The following TMEM144 variants were observed in gnomAD, a reference collection of about 807,000 sequenced individuals.
The protein encoded by TMEM144 is transmembrane protein 144.
TMEM144 carries 39 observed loss-of-function variants against 43.6 expected under a neutral mutation model. The observed-to-expected ratio is 0.90, with a 90% CI of 0.69 to 1.17. The LOEUF (loss-of-function observed/expected upper bound fraction) is 1.17. TMEM144 is among the 50% of genes most tolerant of loss of function. The pLI is 0.00. For missense variants in TMEM144, 417 were observed against 411.9 expected, an observed-to-expected ratio of 1.01 and a Z score of -0.11; for synonymous variants, 154 against 133.6, an observed-to-expected ratio of 1.15 and a Z score of -1.06.
chr4:158,218,917 A>G (rs1041940237), intron 5 of TMEM144, among the ~76,000 whole-genome samples: 2 of 152,126 alleles, frequency 1.3e-5, no homozygotes, highest in Non-Finnish European at 2.9e-5. Flanking sequence ...GCTTGATTTC[A>G]GGAATTCAAG....
intron 6 of TMEM144, among the ~76,000 whole-genome samples, chr4:158,223,440 T>C (rs1734602611): frequency 6.6e-6 from 1 of 152,194 alleles, no homozygotes; most frequent in African/African-American, 2.4e-5. Flanking sequence ...TATTTATTCA[T>C]TTATTTTTTT....
chr4:158,236,157 A>G (rs191122464), intron 8 of TMEM144, among the ~76,000 whole-genome samples: 91 of 152,274 alleles, frequency 6.0e-4, no homozygotes, highest in Non-Finnish European at 1.0e-3. Context: ...TCATGTGGTG[A>G]CACCTTTTGA....
chr4:158,243,835 G>C (rs939966466), intron 11 of TMEM144, among the ~76,000 whole-genome samples: 1 of 152,010 alleles, frequency 6.6e-6, no homozygotes, highest in Admixed American at 6.6e-5. Context: ...TTTAAAGCAC[G>C]AGCTACTTCC....
intron 12 of TMEM144, 67 bp from the exon 13 acceptor site, chr4:158,253,377 G>C (rs1736308895): frequency 7.4e-7 from 1 of 1,356,134 alleles, no homozygotes; most frequent in Admixed American, 1.8e-5. Context: ...GCAATCTTGA[G>C]AGTCTGTCCA....
chr4:158,223,280 C>T (rs565260422), intron 6 of TMEM144, among the ~76,000 whole-genome samples: 3 of 152,240 alleles, frequency 2.0e-5, no homozygotes, highest in Non-Finnish European at 4.4e-5. Context: ...TGTATGCATT[C>T]TCATTTGATT....
At chr4:158,240,960 G>A (rs564225272) in intron 10 of TMEM144, among the ~76,000 whole-genome samples, 39 of 152,276 alleles carry the variant, frequency 2.6e-4, no homozygotes, top group African/African-American at 8.4e-4. Flanking sequence ...AGGTCCACAA[G>A]TAAAATTTTT....
intron 7 of TMEM144, chr4:158,235,170 T>G (rs1735278330): frequency 3.0e-6 from 1 of 329,006 alleles, no homozygotes; most frequent in Admixed American, 4.3e-5. Context: ...ATAATAAGTT[T>G]TATTAGTTTT....
At chr4:158,248,601 C>A (rs1736012415) in intron 12 of TMEM144, among the ~76,000 whole-genome samples, 1 of 152,122 alleles carries the variant, frequency 6.6e-6, no homozygotes, top group Non-Finnish European at 1.5e-5. Flanking sequence ...GCATCATCAA[C>A]TGAACACTAA....
At position 158,238,396 on chromosome 4, in the gene TMEM144, CA is replaced by C. The variant is rs137904668; in HGVS notation, c.682+754del. Among the ~76,000 whole-genome samples the C allele has an allele frequency of 4.5e-4, 68 of 152,210 alleles. No individual in the cohort carries two copies. The East Asian group carries it at 0.013, about 29-fold the overall frequency. On this transcript the variant is annotated intron_variant, in intron 9 of 12. Coordinates refer to ENST00000296529, the MANE Select transcript of TMEM144 (RefSeq NM_018342.5). ...AGTTGAGATTTGAACTCAACTTTAACAGAATGGATAGACTGAGTAGATGCCA... is the reference window on the plus strand; with the variant it reads ...AGTTGAGATTTGAACTCAACTTTAACGAATGGATAGACTGAGTAGATGCCA...
intron 12 of TMEM144, among the ~76,000 whole-genome samples, chr4:158,252,654 A>G (rs1736264101): frequency 6.6e-6 from 1 of 152,012 alleles, no homozygotes; most frequent in African/African-American, 2.4e-5. Flanking sequence ...CTAAAAATAC[A>G]AAAATTCACT....
intron 5 of TMEM144, among the ~76,000 whole-genome samples, chr4:158,218,204 C>G (rs1226539209): frequency 6.6e-6 from 1 of 152,158 alleles, no homozygotes; most frequent in African/African-American, 2.4e-5. Context: ...GCACTAGCCA[C>G]ATTTGATGTG....
intron 9 of TMEM144, among the ~76,000 whole-genome samples, chr4:158,238,359 G>C (rs568915809): frequency 1.3e-5 from 2 of 152,320 alleles, no homozygotes; most frequent in East Asian, 3.9e-4. Flanking sequence ...GTGAGGGAAA[G>C]ATTGTTAAAG....
At chr4:158,222,137 TA>T (rs1734539317) in intron 6 of TMEM144, among the ~76,000 whole-genome samples, 1 of 152,190 alleles carries the variant, frequency 6.6e-6, no homozygotes, top group Non-Finnish European at 1.5e-5. Context: ...CCATCCTACC[TA>T]CCCACTTGTA....
At chr4:158,220,081 A>G (rs1401326114) in intron 6 of TMEM144, among the ~76,000 whole-genome samples, 1 of 152,150 alleles carries the variant, frequency 6.6e-6, no homozygotes, top group Non-Finnish European at 1.5e-5. Flanking sequence ...TTCTTCACAT[A>G]ATGGATAGTA....
At chr4:158,210,700 T>G (rs978020100) in intron 1 of TMEM144, 114 bp downstream of exon 1, 1 of 152,176 alleles carries the variant, frequency 6.6e-6, no homozygotes, top group Non-Finnish European at 1.5e-5. Context: ...ATAAATACAT[T>G]CAAGCACTGT....
chr4:158,237,890 T>G (rs1398135318), intron 9 of TMEM144, among the ~76,000 whole-genome samples: 1 of 152,230 alleles, frequency 6.6e-6, no homozygotes, highest in Admixed American at 6.5e-5. Flanking sequence ...ACATGGTTTC[T>G]GACTTTCCAG....
intron 3 of TMEM144, among the ~76,000 whole-genome samples, chr4:158,214,351 A>G (rs1465265607): frequency 6.6e-6 from 1 of 152,196 alleles, no homozygotes; most frequent in Non-Finnish European, 1.5e-5. Flanking sequence ...TGTCATGGAG[A>G]TTAGCAGCCA....
In TMEM144 at chr4:158,241,391, C is replaced by A. The variant is rs542621664; in HGVS notation, c.803-118C>A. On this transcript the variant is annotated intron_variant, in intron 10 of 12. Transcript: ENST00000296529. ...AACACAGCTCAAAATTCCATGTTGG[C>A]CAACAACATTGATTAGAATGCATTT... 1.8e-4 allele frequency: 136 copies of A among 770,158 alleles called. 1 individual carries two copies. The highest frequency in any genetic ancestry group is 2.5e-4 in the Non-Finnish European group (115 of 460,218). The allele number at this position is 770,158 out of a possible 1,614,324, so 47.7% of individuals were successfully genotyped here. A position where few individuals can be genotyped will look rare whatever the true frequency, so the allele number is the denominator to read the frequency against.
At chr4:158,222,656 A>G (rs566494142) in intron 6 of TMEM144, among the ~76,000 whole-genome samples, 18 of 152,304 alleles carry the variant, frequency 1.2e-4, no homozygotes, top group African/African-American at 4.3e-4. Flanking sequence ...GACAAGGCCC[A>G]TTATTTTCTA....
Sources: gnomAD v4.1 joint callset for allele counts (sites outside exome capture counted in the v4.1 genomes callset) on GRCh38, gnomAD v4.1.1 for gene constraint, MANE v1.5 for transcripts, NCBI Gene and HGNC (gene_info 2026-07-23, HGNC 2026-07-21) for gene names.